The following SORBS3 variants were observed in gnomAD, a reference collection of about 807,000 sequenced individuals.
SORBS3 encodes vinexin.
SORBS3 carries 69 observed loss-of-function variants against 98.0 expected under a neutral mutation model. The observed-to-expected ratio is 0.70, with a 90% CI of 0.58 to 0.86. The LOEUF is 0.86. Among genes scored for constraint, SORBS3 ranks in the 40% least tolerant of loss-of-function variants. SORBS3 has a pLI of 0.00. For synonymous variants in SORBS3, 394 were observed against 355.4 expected, an observed-to-expected ratio of 1.11 and a Z score of -1.22; for missense variants, 954 against 908.5, an observed-to-expected ratio of 1.05 and a Z score of -0.64.
intron 3 of SORBS3, among the ~76,000 whole-genome samples, chr8:22,555,872 A>C (rs7462407): frequency 0.019 from 2,818 of 152,254 alleles, 87 homozygotes; most frequent in African/African-American, 0.063. Context: ...AAAACAAAAC[A>C]AAACCAAAAA....
chr8:22,551,272 C>A (rs947693228), upstream of SORBS3, among the ~76,000 whole-genome samples: 4 of 152,132 alleles, frequency 2.6e-5, no homozygotes, highest in Non-Finnish European at 4.4e-5. The surrounding 1 kb of genome is among the most constrained non-coding windows in gnomAD (Gnocchi z 5.8). Flanking sequence ...TGCACACGAC[C>A]GGCCGCGCGC....
At chr8:22,565,712 G>T (rs1471587315) in intron 11 of SORBS3, 114 bp from the exon 12 acceptor site, 6 of 1,230,094 alleles carry the variant, frequency 4.9e-6, no homozygotes, top group Non-Finnish European at 6.1e-6. Flanking sequence ...CTAGGACCCC[G>T]CGTCCCGCCC....
intron 5 of SORBS3, among the ~76,000 whole-genome samples, chr8:22,560,358 G>T (rs1840267056): frequency 6.6e-6 from 1 of 152,080 alleles, no homozygotes; most frequent in African/African-American, 2.4e-5. Flanking sequence ...CACCTAGGGA[G>T]ATAGAGAGAC....
chr8:22,574,347 C>T (rs1034761870), intron 20 of SORBS3, among the ~76,000 whole-genome samples: 9 of 152,298 alleles, frequency 5.9e-5, no homozygotes, highest in South Asian at 2.1e-4. Flanking sequence ...ACGTTTCTCC[C>T]GATTTCAGTT....
At chr8:22,566,266 G>C (rs1351533438) in intron 12 of SORBS3, 79 bp from the exon 13 acceptor site, 17 of 1,498,726 alleles carry the variant, frequency 1.1e-5, no homozygotes, top group Non-Finnish European at 1.3e-5. Context: ...GGGGCGATGG[G>C]GGGTCAGAGC....
intron 1 of SORBS3, among the ~76,000 whole-genome samples, chr8:22,552,942 C>T (rs373733224): frequency 2.6e-5 from 4 of 152,206 alleles, no homozygotes; most frequent in Non-Finnish European, 5.9e-5. Context: ...CCACTCCCCC[C>T]AGTCAGGCAT....
chr8:22,552,794 T>C (rs1840109282), intron 1 of SORBS3, among the ~76,000 whole-genome samples: 1 of 152,170 alleles, frequency 6.6e-6, no homozygotes, highest in South Asian at 2.1e-4. Flanking sequence ...TCTCCTGACC[T>C]TCCACCCCAC....
At chr8:22,561,308 A>G (rs2117243263) in intron 5 of SORBS3, 27 bp from the exon 6 acceptor site, 1 of 1,571,658 alleles carries the variant, frequency 6.4e-7, no homozygotes, top group Non-Finnish European at 8.7e-7. Context: ...GCCCCGTCCC[A>G]TGACCTGGTC....
Position 22,558,902 on chromosome 8 carries a change from C to T in SORBS3, c.478+710C>T, listed in dbSNP as rs947064298. On this transcript the variant is annotated intron_variant, in intron 5 of 20. Transcript: ENST00000240123. ...TCCAGCAAAGGGAGCTCCGAAGACC[C>T]AGAGGTAGAAGCATGTTCTGGACGG... Among the ~76,000 whole-genome samples, 13 of 152,304 alleles carry T rather than the reference C, an allele frequency of 8.5e-5. No individual in the cohort carries two copies. The East Asian group carries it at 9.6e-4, about 11-fold the overall frequency.
upstream of SORBS3, among the ~76,000 whole-genome samples, chr8:22,547,923 C>T (rs1273698905): frequency 6.6e-6 from 1 of 152,202 alleles, no homozygotes; most frequent in African/African-American, 2.4e-5. Context: ...AGTTCTCCCG[C>T]AGCCTTTGGG....
At position 22,574,806 on chromosome 8, in the gene SORBS3, C is replaced by A; in HGVS notation, c.*78C>A. On this transcript the variant is annotated 3_prime_UTR_variant, in exon 21 of 21. Transcript: ENST00000240123. ...ACTCGTGGGAGGGAGAGGACCCCCG[C>A]CCACATCCTCCTTCCCCAGGACCTG... 1 of 1,341,968 alleles carries A rather than the reference C, an allele frequency of 7.5e-7. No homozygotes were observed. The highest frequency in any genetic ancestry group is 1.1e-6 in the Non-Finnish European group (1 of 933,364). 83.1% of individuals were successfully genotyped at this position (1,341,968 alleles called of 1,614,324 possible).
chr8:22,548,422 T>C (rs912423936), upstream of SORBS3, among the ~76,000 whole-genome samples: 1 of 152,232 alleles, frequency 6.6e-6, no homozygotes, highest in African/African-American at 2.4e-5. Flanking sequence ...CTCACCATTG[T>C]GTCACTGTGG....
At chr8:22,558,085 G>A in intron 4 of SORBS3, 44 bp from the exon 5 acceptor site, 2 of 1,596,442 alleles carry the variant, frequency 1.3e-6, no homozygotes, top group East Asian at 2.2e-5. Flanking sequence ...AAATTGGGAG[G>A]GTGAATAAGC....
chr8:22,555,606 A>T (rs1332249842), intron 3 of SORBS3, among the ~76,000 whole-genome samples: 1 of 151,898 alleles, frequency 6.6e-6, no homozygotes, highest in Non-Finnish European at 1.5e-5. Flanking sequence ...ACACACACAC[A>T]CTGAGAGGCT....
In SORBS3 at chr8:22,569,142, AT is replaced by A; in HGVS notation, c.1306-5del. On this transcript the variant is annotated splice_polypyrimidine_tract_variant and splice_region_variant and intron_variant, in intron 16 of 20. Transcript: ENST00000240123. Reference sequence around the variant, plus strand: ...CAAATCTTTCTCATGACCTTTCTTCATGCAGGTGCTGCCCGCAGATGAGATC... The same window carrying A: ...CAAATCTTTCTCATGACCTTTCTTCAGCAGGTGCTGCCCGCAGATGAGATC... 6.2e-7 allele frequency: 1 copy of A among 1,600,946 alleles called. No homozygotes were observed. The highest frequency in any genetic ancestry group is 1.1e-5 in the South Asian group (1 of 89,134).
At chr8:22,551,105 G>A (rs1440262327), upstream of SORBS3, among the ~76,000 whole-genome samples, 2 of 152,192 alleles carry the variant, frequency 1.3e-5, no homozygotes, top group Non-Finnish European at 2.9e-5. The surrounding 1 kb of genome is among the most constrained non-coding windows in gnomAD (Gnocchi z 5.8). Flanking sequence ...GGAACACCAA[G>A]ACCCTCCTAA....
intron 7 of SORBS3, among the ~76,000 whole-genome samples, chr8:22,563,321 T>C (rs1840334757): frequency 1.3e-5 from 2 of 152,176 alleles, no homozygotes; most frequent in African/African-American, 4.8e-5. Flanking sequence ...GAACATTCCA[T>C]GTAAGCCAGC....
At chr8:22,567,550 T>C (rs1840458348) in intron 16 of SORBS3, among the ~76,000 whole-genome samples, 1 of 152,180 alleles carries the variant, frequency 6.6e-6, no homozygotes, top group African/African-American at 2.4e-5. Flanking sequence ...CTCTTTCAGG[T>C]GTATTACCGC....
chr8:22,554,431 T>C lies in SORBS3; in HGVS notation c.-55-21T>C, dbSNP rs998746132. 4.5e-6 allele frequency: 7 copies of C among 1,557,130 alleles called. No homozygotes were observed. The highest frequency in any genetic ancestry group is 1.2e-5 in the South Asian group (1 of 82,180). On this transcript the variant is annotated intron_variant, in intron 1 of 20. Coordinates refer to ENST00000240123, the MANE Select transcript of SORBS3 (RefSeq NM_005775.5). The surrounding 1 kb of genome is among the most constrained non-coding windows in gnomAD (Gnocchi z 6.5). ...CAGCCTAGCCTAGCAGGGCTTTCCC[T>C]TCCTTCCTCCTTCCCCACAGAGGAC...
Sources: allele counts gnomAD v4.1 joint callset (sites outside exome capture counted in the v4.1 genomes callset), GRCh38; gene constraint gnomAD v4.1.1; non-coding constraint Gnocchi (gnomAD v3.1); transcripts MANE v1.5; gene names NCBI Gene and HGNC (gene_info 2026-07-23, HGNC 2026-07-21).